The following DNAH14 variants were observed in gnomAD, a reference collection of about 807,000 sequenced individuals.
DNAH14 encodes axonemal beta dynein heavy chain 14.
DNAH14 carries 478 observed loss-of-function variants against 520.9 expected under a neutral mutation model. The ratio of observed to expected loss-of-function variants is 0.92; its 90% confidence interval spans 0.85 to 0.99. DNAH14 has a LOEUF of 0.99. Ranked by LOEUF, DNAH14 falls within the 50% of genes least tolerant of loss-of-function variation. The pLI, the probability that DNAH14 is intolerant of heterozygous loss-of-function variation, is 0.00. For synonymous variants in DNAH14, 1,581 were observed against 1,757.2 expected (o/e 0.90, Z 2.51); for missense variants, 4,831 against 5,234.5 (o/e 0.92, Z 2.38).
At chr1:225,363,857 G>A (rs1221159499) in intron 75 of DNAH14, among the ~76,000 whole-genome samples, 2 of 152,148 alleles carry the variant, frequency 1.3e-5, no homozygotes, top group Non-Finnish European at 2.9e-5. Flanking sequence ...AGTCTGTATA[G>A]GTTCAGTACA....
At chr1:225,395,570 C>T (rs61851863) in intron 84 of DNAH14, among the ~76,000 whole-genome samples, 1,756 of 133,882 alleles carry the variant, frequency 0.013, 35 homozygotes, top group African/African-American at 0.045. Context: ...CCAGCCTGCG[C>T]GACAGAGTGA....
chr1:225,079,225 C>T lies in DNAH14; in HGVS notation c.2443C>T (p.Gln815Ter). The change falls in exon 18 of 86, where the codon CAG becomes TAG. Residue 815 changes from glutamine (Q) to a stop codon, truncating the protein, a stop_gained. Transcript: ENST00000682510. LOFTEE classifies it high-confidence loss of function. Reference protein sequence around the residue: ...NLLEVVESSLQQLECDPTEIE... With the variant: ...NLLEVVESSL ...ATTTCAGGTTGTGGAATCATCATTG[C>T]AGCAGCTGGAATGTGATCCCACTGA... 6.5e-7 allele frequency: 1 copy of T among 1,543,910 alleles called. No individual in the cohort carries two copies. The highest frequency in any genetic ancestry group is 8.7e-7 in the Non-Finnish European group (1 of 1,145,572).
intron 17 of DNAH14, among the ~76,000 whole-genome samples, chr1:225,073,374 G>C (rs754156903): frequency 1.3e-5 from 2 of 151,980 alleles, no homozygotes; most frequent in African/African-American, 2.4e-5. Context: ...TTTCAAATCT[G>C]TGTAGGCCAG....
chr1:225,174,501 A>G (rs140622234), intron 36 of DNAH14, among the ~76,000 whole-genome samples: 28 of 152,268 alleles, frequency 1.8e-4, no homozygotes, highest in African/African-American at 6.5e-4. Flanking sequence ...TAGAAATGCT[A>G]CTGATTTTTG....
At chr1:224,986,756 C>G (rs2062674138) in intron 8 of DNAH14, among the ~76,000 whole-genome samples, 2 of 152,146 alleles carry the variant, frequency 1.3e-5, no homozygotes, top group South Asian at 4.1e-4. Context: ...AGTCTTTCCT[C>G]TAAGATATGG....
At chr1:225,214,997 G>A (rs138414188) in intron 41 of DNAH14, among the ~76,000 whole-genome samples, 416 of 152,244 alleles carry the variant, frequency 2.7e-3, no homozygotes, top group Middle Eastern at 0.027. Context: ...TAATTGTGAT[G>A]TTAGGGTGTC....
At chr1:225,084,750 T>C (rs2148609894) in intron 20 of DNAH14, among the ~76,000 whole-genome samples, 1 of 131,302 alleles carries the variant, frequency 7.6e-6, no homozygotes, top group African/African-American at 2.9e-5. Flanking sequence ...GATCTGACTA[T>C]TTGTCAGTCA....
At chr1:225,017,973 G>T (rs1301732417) in intron 10 of DNAH14, among the ~76,000 whole-genome samples, 2 of 152,208 alleles carry the variant, frequency 1.3e-5, no homozygotes, top group Non-Finnish European at 2.9e-5. Flanking sequence ...ATCAGAAACA[G>T]ACAGTGTAAG....
At chr1:225,075,300 C>T (rs766026524) in intron 17 of DNAH14, among the ~76,000 whole-genome samples, 3 of 152,038 alleles carry the variant, frequency 2.0e-5, no homozygotes, top group East Asian at 1.9e-4. Context: ...CTCTGTTCTC[C>T]GTGGGTCGAG....
chr1:225,182,058 G>A (rs944043801), intron 36 of DNAH14, among the ~76,000 whole-genome samples: 1 of 152,118 alleles, frequency 6.6e-6, no homozygotes, highest in Non-Finnish European at 1.5e-5. Flanking sequence ...AATTAGCTGG[G>A]CATGATGGCA....
intron 66 of DNAH14, among the ~76,000 whole-genome samples, chr1:225,333,800 T>C (rs1180928419): frequency 1.3e-5 from 2 of 152,184 alleles, no homozygotes; most frequent in East Asian, 1.9e-4. Context: ...TGAAACCTCT[T>C]TCATTTAATA....
At chr1:225,103,804 G>A (rs532250039) in intron 23 of DNAH14, among the ~76,000 whole-genome samples, 1 of 152,220 alleles carries the variant, frequency 6.6e-6, no homozygotes, top group East Asian at 1.9e-4. Flanking sequence ...AGACGATGGG[G>A]TTTTCTAGAT....
chr1:225,294,329 T>C (rs2093959737), intron 55 of DNAH14, among the ~76,000 whole-genome samples: 1 of 152,154 alleles, frequency 6.6e-6, no homozygotes, highest in Non-Finnish European at 1.5e-5. Context: ...TGTTGTTGGA[T>C]TCAGTTTGCT....
chr1:225,294,217 C>T lies in DNAH14; in HGVS notation c.8469+4135C>T, dbSNP rs114115136. 5.9e-3 allele frequency among the ~76,000 whole-genome samples: 895 copies of T among 152,018 alleles called. 10 individuals carry two copies. Among genetic ancestry groups the T allele is most frequent in the African/African-American group, 0.02 (843 of 41,482 alleles). ...ATGATTGTGGTTTTTTTTCTATATT[C>T]TGTTTATGCAGTGTATCATGTTTAT... On this transcript the variant is annotated intron_variant, in intron 55 of 85. Coordinates refer to ENST00000682510, the MANE Select transcript of DNAH14 (RefSeq NM_001367479.1).
chr1:225,151,720 T>G (rs1255650415), intron 31 of DNAH14, among the ~76,000 whole-genome samples: 2 of 152,198 alleles, frequency 1.3e-5, no homozygotes, highest in Non-Finnish European at 2.9e-5. Context: ...CAGGTTCCTT[T>G]TACTATGTAA....
chr1:224,946,417 A>T (rs1490371130), intron 1 of DNAH14, among the ~76,000 whole-genome samples: 1 of 152,114 alleles, frequency 6.6e-6, no homozygotes, highest in African/African-American at 2.4e-5. Flanking sequence ...TAGGAAAGGG[A>T]ATTCCCTGAC....
In DNAH14 at chr1:225,156,937, G is replaced by A. The variant is rs1271847781; in HGVS notation, c.5274-2377G>A. 1.4e-5 allele frequency among the ~76,000 whole-genome samples: 2 copies of A among 145,408 alleles called. 1 individual carries two copies. The highest frequency in any genetic ancestry group is 5.2e-5 in the African/African-American group (2 of 38,548). ...TCACCGTTTTAGCCGGGATGGTCTC[G>A]ATCTCTTGACCTCGTGATCCGCCCG... is the stretch of plus-strand genomic sequence containing the variant. On this transcript the variant is annotated intron_variant, in intron 34 of 85. Transcript: ENST00000682510.
At chr1:225,229,325 G>A (rs2090875537) in intron 41 of DNAH14, among the ~76,000 whole-genome samples, 2 of 152,202 alleles carry the variant, frequency 1.3e-5, no homozygotes, top group Admixed American at 6.5e-5. Flanking sequence ...TGGTGGGAGT[G>A]TAAATTAGTT....
chr1:225,389,649 G>A, intron 82 of DNAH14, 85 bp from the exon 83 acceptor site: 1 of 1,429,680 alleles, frequency 7.0e-7, no homozygotes, highest in Non-Finnish European at 9.4e-7. Flanking sequence ...TAAAAGAAGG[G>A]CCCTGGGAGG....
Sources: gnomAD v4.1 joint callset for allele counts (sites outside exome capture counted in the v4.1 genomes callset) on GRCh38, gnomAD v4.1.1 for gene constraint, MANE v1.5 for transcripts, NCBI Gene and HGNC (gene_info 2026-07-23, HGNC 2026-07-21) for gene names.